The following NLGN1 variants were observed in gnomAD, a reference collection of about 807,000 sequenced individuals.
NLGN1 encodes the protein neuroligin-1.
NLGN1 carries 12 observed loss-of-function variants against 65.5 expected under a neutral mutation model. The ratio of observed to expected loss-of-function variants is 0.18; its 90% CI spans 0.12 to 0.30. The LOEUF is 0.30. Ranked by LOEUF, NLGN1 falls within the 10% of genes least tolerant of loss-of-function variation. The probability of loss-of-function intolerance (pLI) is 1.00; values close to 1 mark genes in which losing one functional copy is unlikely to be tolerated. For synonymous variants in NLGN1, 350 were observed against 359.5 expected (o/e 0.97, Z 0.30); for missense variants, 750 against 1,007.1 (o/e 0.74, Z 3.46).
intron 2 of NLGN1, among the ~76,000 whole-genome samples, chr3:173,572,206 C>T (rs748030245): frequency 2.6e-5 from 4 of 152,220 alleles, no homozygotes; most frequent in Admixed American, 6.5e-5. Context: ...GTGACCTAGC[C>T]CCAGCTCCAG....
chr3:173,560,701 A>G (rs927520205), intron 2 of NLGN1, among the ~76,000 whole-genome samples: 1 of 152,206 alleles, frequency 6.6e-6, no homozygotes, highest in Non-Finnish European at 1.5e-5. Context: ...CCAAGATAAC[A>G]AGACAAAAAT....
At chr3:173,501,702 G>C (rs549419577) in intron 2 of NLGN1, among the ~76,000 whole-genome samples, 3 of 150,590 alleles carry the variant, frequency 2.0e-5, no homozygotes, top group Admixed American at 6.7e-5. Flanking sequence ...AATTCTCTAC[G>C]TATAGAATTT....
At chr3:173,869,907 A>G (rs965486448) in intron 4 of NLGN1, among the ~76,000 whole-genome samples, 5 of 152,192 alleles carry the variant, frequency 3.3e-5, no homozygotes, top group African/African-American at 1.2e-4. Flanking sequence ...TCCAGCAGGC[A>G]GAGGCATCTG....
At chr3:174,201,340 GAGGAATGAAGGAA>G (rs1734435413) in intron 4 of NLGN1, among the ~76,000 whole-genome samples, 1 of 132,660 alleles carries the variant, frequency 7.5e-6, no homozygotes, top group Admixed American at 7.8e-5. Flanking sequence ...GGGAAGGTGG[GAGGAATGAAGGAA>G]GGAAGGAAGG....
intron 3 of NLGN1, among the ~76,000 whole-genome samples, chr3:173,704,957 A>G (rs538969250): frequency 6.6e-6 from 1 of 152,186 alleles, no homozygotes; most frequent in African/African-American, 2.4e-5. Context: ...CATGTAATCA[A>G]TAACACAGTA....
chr3:173,443,740 C>T (rs1292801185), intron 2 of NLGN1, among the ~76,000 whole-genome samples: 1 of 152,082 alleles, frequency 6.6e-6, no homozygotes, highest in Non-Finnish European at 1.5e-5. Context: ...ATTGTGTTTT[C>T]TTAGTAGAAA....
intron 4 of NLGN1, among the ~76,000 whole-genome samples, chr3:174,110,795 T>G (rs770061720): frequency 3.2e-4 from 49 of 152,122 alleles, no homozygotes; most frequent in Non-Finnish European, 5.9e-4. Flanking sequence ...TATGTAAACA[T>G]AGAATCTTGG....
intron 4 of NLGN1, among the ~76,000 whole-genome samples, chr3:174,060,273 C>T (rs1380842789): frequency 6.6e-6 from 1 of 151,994 alleles, no homozygotes; most frequent in Admixed American, 6.6e-5. Flanking sequence ...ACAGACTGCT[C>T]CATCTCATAT....
At chr3:173,585,326 G>C (rs1315308536) in intron 2 of NLGN1, among the ~76,000 whole-genome samples, 4 of 152,146 alleles carry the variant, frequency 2.6e-5, no homozygotes, top group Non-Finnish European at 2.9e-5. Context: ...AATACTTTAA[G>C]GAGAGGAGGC....
At chr3:174,044,905 A>C (rs1239516885) in intron 4 of NLGN1, among the ~76,000 whole-genome samples, 6 of 151,924 alleles carry the variant, frequency 3.9e-5, no homozygotes, top group Non-Finnish European at 7.4e-5. Flanking sequence ...TTTGCTTGGC[A>C]CTTCTTCTTC....
intron 4 of NLGN1, among the ~76,000 whole-genome samples, chr3:174,273,623 CAA>C (rs1158692591): frequency 6.6e-6 from 1 of 151,614 alleles, no homozygotes; most frequent in Non-Finnish European, 1.5e-5. Flanking sequence ...TATGCAAATT[CAA>C]AGAGAATGGG....
chr3:174,173,669 C>T (rs1217712694), intron 4 of NLGN1, among the ~76,000 whole-genome samples: 2 of 151,362 alleles, frequency 1.3e-5, no homozygotes, highest in African/African-American at 4.9e-5. Flanking sequence ...GCATAAATTC[C>T]ACTTGGTCAC....
At position 174,084,146 on chromosome 3, in the gene NLGN1, A is replaced by G. The variant is rs550634222; in HGVS notation, c.647-191169A>G. On this transcript the variant is annotated intron_variant, in intron 4 of 6. Coordinates refer to ENST00000457714, the Ensembl canonical transcript of NLGN1. ...TTAGTACTTTTGTGTGGGATGGGCT[A>G]TGGAAAGAAATAATTGCATTAAATA... Among the ~76,000 whole-genome samples the G allele has an allele frequency of 3.9e-4, 59 of 152,320 alleles. 2 individuals carry two copies. The South Asian group carries it at 0.012, about 31-fold the overall frequency.
chr3:174,129,241 T>C (rs1174909135), intron 4 of NLGN1, among the ~76,000 whole-genome samples: 2 of 152,134 alleles, frequency 1.3e-5, no homozygotes, highest in Admixed American at 6.5e-5. Context: ...ACGATCAATT[T>C]TTTGGCTCAT....
At chr3:173,491,685 T>G (rs1729187108) in intron 2 of NLGN1, among the ~76,000 whole-genome samples, 1 of 151,790 alleles carries the variant, frequency 6.6e-6, no homozygotes. Context: ...ATGTTTGTGC[T>G]AGGCTTCAAT....
At chr3:173,630,449 A>T (rs1415843719) in intron 3 of NLGN1, among the ~76,000 whole-genome samples, 1 of 152,188 alleles carries the variant, frequency 6.6e-6, no homozygotes, top group African/African-American at 2.4e-5. Flanking sequence ...TTAAAAAAAA[A>T]AGGAAAAAGA....
chr3:173,889,615 A>G (rs1734963329), intron 4 of NLGN1, among the ~76,000 whole-genome samples: 1 of 152,152 alleles, frequency 6.6e-6, no homozygotes, highest in Non-Finnish European at 1.5e-5. Context: ...AATTTATGTT[A>G]AAGAAAGTAC....
chr3:173,891,196 A>G (rs773731606), intron 4 of NLGN1, among the ~76,000 whole-genome samples: 1 of 152,198 alleles, frequency 6.6e-6, no homozygotes, highest in Non-Finnish European at 1.5e-5. Flanking sequence ...TCTGGACACA[A>G]TGCTAATATT....
chr3:174,122,576 A>G (rs543784357), intron 4 of NLGN1, among the ~76,000 whole-genome samples: 5 of 152,158 alleles, frequency 3.3e-5, no homozygotes, highest in African/African-American at 1.2e-4. Flanking sequence ...TTCTGTAATA[A>G]CCTCTTCAGG....
Sources: gnomAD v4.1 joint callset for allele counts (sites outside exome capture counted in the v4.1 genomes callset) on GRCh38, gnomAD v4.1.1 for gene constraint, MANE v1.5 for transcripts, NCBI Gene and HGNC (gene_info 2026-07-23, HGNC 2026-07-21) for gene names.